CCDC91: variants seen among roughly 807,000 people sequenced by gnomAD.
CCDC91 encodes the protein coiled-coil domain containing 91.
CCDC91 carries 48 observed loss-of-function variants against 63.2 expected under a neutral mutation model. The observed-to-expected ratio is 0.76, with a 90% CI of 0.60 to 0.97. The LOEUF is 0.97. Among genes scored for constraint, CCDC91 ranks in the 50% least tolerant of loss-of-function variants. CCDC91 has a pLI of 0.00. For synonymous variants in CCDC91, 167 were observed against 165.8 expected, an observed-to-expected ratio of 1.01 and a Z score of -0.06; for missense variants, 500 against 494.6, an observed-to-expected ratio of 1.01 and a Z score of -0.10.
intron 1 of CCDC91, among the ~76,000 whole-genome samples, chr12:28,247,307 C>T (rs1008308032): frequency 2.6e-5 from 4 of 151,888 alleles, no homozygotes; most frequent in South Asian, 2.1e-4. Flanking sequence ...GGTGAAACCC[C>T]GCCTCTACTA....
At position 28,484,066 on chromosome 12, in the gene CCDC91, A is replaced by G. The variant is rs1181674819; in HGVS notation, c.1116A>G (p.Ala372=). The change falls in exon 12 of 13, where the codon GCA becomes GCG. Residue 372 remains alanine, a synonymous_variant. Transcript: ENST00000536442. ...QRKISQETVK[A]AIIEEQKRSE... Reference sequence around the variant, plus strand: ...CCCACAAACAGGAAACTGTTAAGGCAGCAATAATAGAAGAGCAGAAACGAA... The same window carrying G: ...CCCACAAACAGGAAACTGTTAAGGCGGCAATAATAGAAGAGCAGAAACGAA... 10 of 1,610,396 alleles carry G rather than the reference A, an allele frequency of 6.2e-6. No homozygotes were observed. Among genetic ancestry groups the G allele is most frequent in the South Asian group, 1.1e-5 (1 of 90,462 alleles).
chr12:28,364,498 T>C (rs188158262), intron 7 of CCDC91, among the ~76,000 whole-genome samples: 12 of 152,374 alleles, frequency 7.9e-5, no homozygotes, highest in South Asian at 6.2e-4. Flanking sequence ...TTTACAGTTA[T>C]TGAGTTGAGG....
At chr12:28,391,063 G>C (rs1489861643) in intron 7 of CCDC91, among the ~76,000 whole-genome samples, 1 of 151,662 alleles carries the variant, frequency 6.6e-6, no homozygotes, top group Non-Finnish European at 1.5e-5. Flanking sequence ...CCTTTTTAAG[G>C]AGAAGATGTG....
chr12:28,192,243 C>T (rs1449112605), intron 1 of CCDC91, among the ~76,000 whole-genome samples: 2 of 152,114 alleles, frequency 1.3e-5, no homozygotes, highest in Non-Finnish European at 2.9e-5. Context: ...AATGGACAAA[C>T]AGGAATTTGG....
intron 6 of CCDC91, among the ~76,000 whole-genome samples, chr12:28,335,399 A>G (rs1941891586): frequency 7.2e-6 from 1 of 139,152 alleles, no homozygotes; most frequent in Non-Finnish European, 1.6e-5. Context: ...AATATTATGT[A>G]TATATAAATA....
At chr12:28,363,470 T>C (rs1312437266) in intron 7 of CCDC91, among the ~76,000 whole-genome samples, 1 of 152,180 alleles carries the variant, frequency 6.6e-6, no homozygotes, top group East Asian at 1.9e-4. Context: ...TAATAATAAA[T>C]ATAAAAAATC....
chr12:28,268,346 A>C lies in CCDC91; in HGVS notation c.109+8904A>C, dbSNP rs144708788. 1.4e-3 allele frequency among the ~76,000 whole-genome samples: 217 copies of C among 152,146 alleles called. 1 individual carries two copies. The highest frequency in any genetic ancestry group is 5.0e-3 in the African/African-American group (208 of 41,534). ...CCAAAGTGCTAGGATTACAGGCGTG[A>C]GCCACTGTGCCCAGCTGGATTATAT... is the stretch of plus-strand genomic sequence containing the variant. On this transcript the variant is annotated intron_variant, in intron 3 of 12. Coordinates refer to ENST00000536442, the MANE Select transcript of CCDC91 (RefSeq NM_018318.5).
At chr12:28,317,351 G>A (rs777752726) in intron 6 of CCDC91, among the ~76,000 whole-genome samples, 5 of 151,960 alleles carry the variant, frequency 3.3e-5, no homozygotes, top group Non-Finnish European at 7.4e-5. Flanking sequence ...GGAATTATGT[G>A]TGGTAAGAAG....
intron 12 of CCDC91, among the ~76,000 whole-genome samples, chr12:28,527,441 C>T (rs1468900233): frequency 1.3e-5 from 2 of 152,222 alleles, no homozygotes; most frequent in African/African-American, 4.8e-5. Context: ...TGCACAGAGT[C>T]CTGTGATGTG....
At chr12:28,270,095 T>C (rs997013218) in intron 3 of CCDC91, among the ~76,000 whole-genome samples, 1 of 152,206 alleles carries the variant, frequency 6.6e-6, no homozygotes, top group South Asian at 2.1e-4. Flanking sequence ...TTCCTACATT[T>C]ACATTAAAAC....
chr12:28,257,478 G>C (rs1456907205), intron 2 of CCDC91, among the ~76,000 whole-genome samples: 2 of 152,164 alleles, frequency 1.3e-5, no homozygotes, highest in East Asian at 3.9e-4. Flanking sequence ...GGTTTAAATT[G>C]AGTTAATTAA....
At chr12:28,385,157 A>T (rs1360209292) in intron 7 of CCDC91, among the ~76,000 whole-genome samples, 1 of 152,198 alleles carries the variant, frequency 6.6e-6, no homozygotes, top group African/African-American at 2.4e-5. Context: ...AAACGATAGA[A>T]AAAAGATGTT....
chr12:28,299,958 T>C (rs1937870916), intron 3 of CCDC91, among the ~76,000 whole-genome samples: 1 of 151,500 alleles, frequency 6.6e-6, no homozygotes, highest in Non-Finnish European at 1.5e-5. Context: ...GTTCTTTATT[T>C]ATTAGGAATA....
At chr12:28,393,829 G>A (rs1946102527) in intron 8 of CCDC91, among the ~76,000 whole-genome samples, 1 of 151,976 alleles carries the variant, frequency 6.6e-6, no homozygotes, top group African/African-American at 2.4e-5. Context: ...TTCTTATAAT[G>A]CCTTCTCAAA....
chr12:28,208,233 T>C (rs1170682118), intron 1 of CCDC91, among the ~76,000 whole-genome samples: 6 of 152,316 alleles, frequency 3.9e-5, no homozygotes, highest in African/African-American at 1.4e-4. Flanking sequence ...AGCAATTAAC[T>C]GTGGAAATGA....
chr12:28,469,888 CAGA>C (rs1347100417), intron 11 of CCDC91, among the ~76,000 whole-genome samples: 7 of 152,028 alleles, frequency 4.6e-5, no homozygotes, highest in Non-Finnish European at 5.9e-5. Context: ...TAGCTGTATA[CAGA>C]AGAAGTAAAC....
At chr12:28,407,271 G>A (rs76647722) in intron 8 of CCDC91, among the ~76,000 whole-genome samples, 8,324 of 152,054 alleles carry the variant, frequency 0.055, 305 homozygotes, top group East Asian at 0.079. Flanking sequence ...CTAGTCTCGG[G>A]TATTTCTTTA....
intron 3 of CCDC91, 40 bp downstream of exon 3, chr12:28,259,482 T>TTTTTC: frequency 2.3e-6 from 3 of 1,283,152 alleles, no homozygotes; most frequent in South Asian, 1.3e-5. Context: ...TTTTTTTTTT[T>TTTTTC]CCCATGTAAC....
At chr12:28,241,132 C>G (rs566400794) in intron 1 of CCDC91, among the ~76,000 whole-genome samples, 2 of 152,246 alleles carry the variant, frequency 1.3e-5, no homozygotes, top group South Asian at 2.1e-4. Context: ...TTCCATTTCT[C>G]TAAAGATTGG....
Sources: allele counts gnomAD v4.1 joint callset (sites outside exome capture counted in the v4.1 genomes callset), GRCh38; gene constraint gnomAD v4.1.1; transcripts MANE v1.5; gene names NCBI Gene and HGNC (gene_info 2026-07-23, HGNC 2026-07-21).